Variants in LDLRAD4 observed in about 807,000 individuals in gnomAD.
The protein encoded by LDLRAD4 is low-density lipoprotein receptor class A domain-containing protein 4.
A neutral mutation model predicts 17.0 loss-of-function variants in LDLRAD4; 5 were observed. That is an observed-to-expected ratio of 0.29 (90% confidence interval 0.15 to 0.62). LDLRAD4 has a LOEUF of 0.62. LDLRAD4 is among the 20% of genes least tolerant of loss of function. The probability of loss-of-function intolerance (pLI) is 0.84; values close to 1 mark genes in which losing one functional copy is unlikely to be tolerated. For missense variants in LDLRAD4, 340 were observed against 424.7 expected, an observed-to-expected ratio of 0.80 and a Z score of 1.75; for synonymous variants, 168 against 171.8, an observed-to-expected ratio of 0.98 and a Z score of 0.17.
chr18:13,274,515 G>T (rs1305161404), upstream of LDLRAD4, among the ~76,000 whole-genome samples: 2 of 152,198 alleles, frequency 1.3e-5, no homozygotes, highest in South Asian at 2.1e-4. Flanking sequence ...TTCTTGGCTT[G>T]GGTGTGAGAA....
intron 3 of LDLRAD4, chr18:13,522,706 C>G (rs2093970679): frequency 6.6e-6 from 1 of 152,046 alleles, no homozygotes; most frequent in Non-Finnish European, 1.5e-5. Flanking sequence ...ATGTTTAGCT[C>G]TGTCTTTTTT....
chr18:13,559,677 T>C (rs560214592), intron 3 of LDLRAD4, among the ~76,000 whole-genome samples: 1 of 152,356 alleles, frequency 6.6e-6, no homozygotes, highest in East Asian at 1.9e-4. Flanking sequence ...GTAAGCTATT[T>C]GTTATTTCTT....
chr18:13,494,144 C>T (rs1252402473), intron 3 of LDLRAD4, among the ~76,000 whole-genome samples: 3 of 152,078 alleles, frequency 2.0e-5, no homozygotes, highest in African/African-American at 7.2e-5. Context: ...TGAGAGGAGG[C>T]ATCATGGTTG....
chr18:13,599,029 G>T (rs1427785155), intron 3 of LDLRAD4, among the ~76,000 whole-genome samples: 1 of 152,214 alleles, frequency 6.6e-6, no homozygotes. Context: ...AAGAGTGGGG[G>T]TGAGGAAGGG....
At chr18:13,395,620 G>A (rs2086613905) in intron 2 of LDLRAD4, among the ~76,000 whole-genome samples, 1 of 75,244 alleles carries the variant, frequency 1.3e-5, no homozygotes, top group African/African-American at 5.6e-5. Flanking sequence ...GTTGGCGTGG[G>A]GGCGGGAGTT....
In LDLRAD4 at chr18:13,462,722, C is replaced by G. The variant is rs181596402; in HGVS notation, c.181+24338C>G. On this transcript the variant is annotated intron_variant, in intron 3 of 5. Transcript: ENST00000359446. The stretch of plus-strand genomic sequence containing the variant: ...GGAGTCCAGGAGGCCAGTGTGGGCT[C>G]AGTCATGGTGGCTGTCACGGGCGGA... 7.1e-4 allele frequency among the ~76,000 whole-genome samples: 108 copies of G among 152,288 alleles called. No individual in the cohort carries two copies. The East Asian group carries it at 0.018, about 26-fold the overall frequency.
At chr18:13,375,216 C>A (rs1252494184) in intron 1 of LDLRAD4, among the ~76,000 whole-genome samples, 5 of 152,256 alleles carry the variant, frequency 3.3e-5, no homozygotes, top group African/African-American at 1.2e-4. Context: ...CAGGACTCAT[C>A]TGGAGGAGAG....
chr18:13,314,711 G>A (rs1427364129), intron 1 of LDLRAD4, among the ~76,000 whole-genome samples: 4 of 152,210 alleles, frequency 2.6e-5, no homozygotes. Flanking sequence ...GCTTGTGGCA[G>A]TCTTGTAGGG....
chr18:13,253,346 T>C (rs561620010), intron 1 of LDLRAD4, among the ~76,000 whole-genome samples: 1 of 152,334 alleles, frequency 6.6e-6, no homozygotes, highest in Admixed American at 6.5e-5. Flanking sequence ...GTGCTCAGGC[T>C]GTTGACTGAA....
intron 3 of LDLRAD4, among the ~76,000 whole-genome samples, chr18:13,493,709 T>C (rs1285900588): frequency 1.3e-5 from 2 of 152,144 alleles, no homozygotes; most frequent in Non-Finnish European, 2.9e-5. Context: ...GGAGATGAAA[T>C]GATTTTTTTC....
intron 3 of LDLRAD4, chr18:13,489,114 G>C (rs1350325527): frequency 6.6e-6 from 1 of 151,864 alleles, no homozygotes; most frequent in Non-Finnish European, 1.5e-5. Context: ...CCTGGAAAAA[G>C]GTGGAGATTT....
At chr18:13,383,523 G>T (rs964600896) in intron 1 of LDLRAD4, among the ~76,000 whole-genome samples, 8 of 152,238 alleles carry the variant, frequency 5.3e-5, no homozygotes, top group African/African-American at 1.9e-4. Context: ...TGAGCAGGAG[G>T]CTCACGAGAG....
rs57033432 is a variant in LDLRAD4 at position 13,321,861 on chromosome 18, C to CAAAAAAAAAAAAAAA, written c.-383+43700_-383+43714dup. On this transcript the variant is annotated intron_variant, in intron 1 of 5. Coordinates refer to ENST00000359446, the Ensembl canonical transcript of LDLRAD4. The stretch of plus-strand genomic sequence containing the variant: ...AGGCAACAACAGCGAGACTCCGTCT[C>CAAAAAAAAAAAAAAA]AAAAAAAAAAAAAAAAAAAAAAAAA... Among the ~76,000 whole-genome samples the CAAAAAAAAAAAAAAA allele has an allele frequency of 1.4e-3, 86 of 62,136 alleles. 2 individuals are homozygous for CAAAAAAAAAAAAAAA. The highest frequency in any genetic ancestry group is 3.1e-3 in the South Asian group (3 of 956). The allele number at this position is 62,136 out of a possible 152,430, so 40.8% of individuals were successfully genotyped here.
At chr18:13,314,073 A>G (rs960134045) in intron 1 of LDLRAD4, among the ~76,000 whole-genome samples, 1 of 152,126 alleles carries the variant, frequency 6.6e-6, no homozygotes, top group African/African-American at 2.4e-5. Context: ...GTGTTTAAAT[A>G]TCGGTTTCTA....
At chr18:13,315,359 T>C (rs2080873683) in intron 1 of LDLRAD4, among the ~76,000 whole-genome samples, 1 of 152,094 alleles carries the variant, frequency 6.6e-6, no homozygotes, top group African/African-American at 2.4e-5. Context: ...GATTAAAAGA[T>C]GAAGGAGAAA....
rs532441555 is a variant in LDLRAD4, at chr18:13,405,634, C to T, written c.40+17872C>T. On this transcript the variant is annotated intron_variant, in intron 2 of 5. Transcript: ENST00000359446. ...TTTTTTTTTTTTGGAGAGACAGTCT[C>T]GCTGTATTGCCCAAGTTGTTCTTGA... 1.4e-4 allele frequency among the ~76,000 whole-genome samples: 21 copies of T among 147,846 alleles called. No homozygotes were observed. The East Asian group carries it at 3.4e-3, about 24-fold the overall frequency.
intron 1 of LDLRAD4, among the ~76,000 whole-genome samples, chr18:13,340,597 G>A (rs978870666): frequency 1.5e-4 from 23 of 152,184 alleles, no homozygotes; most frequent in African/African-American, 4.6e-4. Flanking sequence ...CTGCTGTTGA[G>A]CTTTAGTAGT....
chr18:13,295,314 C>T (rs1263185260), intron 1 of LDLRAD4, among the ~76,000 whole-genome samples: 2 of 152,198 alleles, frequency 1.3e-5, no homozygotes, highest in Non-Finnish European at 2.9e-5. Context: ...CTGGGATGGC[C>T]TCAAAGTTGA....
intron 1 of LDLRAD4, among the ~76,000 whole-genome samples, chr18:13,374,925 A>G (rs956299327): frequency 5.3e-5 from 8 of 152,140 alleles, no homozygotes; most frequent in African/African-American, 1.9e-4. Context: ...CTGCAGCCCC[A>G]TGACGGGGAT....
Sources: gnomAD v4.1 joint callset for allele counts (sites outside exome capture counted in the v4.1 genomes callset) on GRCh38, gnomAD v4.1.1 for gene constraint, MANE v1.5 for transcripts, NCBI Gene and HGNC (gene_info 2026-07-23, HGNC 2026-07-21) for gene names.